Variants in PRKCI observed in about 807,000 individuals in gnomAD.
PRKCI encodes the protein protein kinase C iota type.
Under a neutral mutation model 84.0 loss-of-function variants are expected in PRKCI, and 43 were observed. The ratio of observed to expected loss-of-function variants is 0.51; its 90% CI spans 0.40 to 0.66. The LOEUF (loss-of-function observed/expected upper bound fraction) is 0.66, where lower values mean the gene tolerates loss of function less well. Among genes scored for constraint, PRKCI ranks in the 30% least tolerant of loss-of-function variants. The pLI, the probability that PRKCI is intolerant of heterozygous loss-of-function variation, is 0.00. For synonymous variants in PRKCI, 216 were observed against 234.4 expected, an observed-to-expected ratio of 0.92 and a Z score of 0.72; for missense variants, 459 against 745.6, an observed-to-expected ratio of 0.62 and a Z score of 4.48.
chr3:170,258,268 G>A (rs1419934473), intron 2 of PRKCI, among the ~76,000 whole-genome samples: 2 of 151,428 alleles, frequency 1.3e-5, no homozygotes, highest in Admixed American at 6.6e-5. Context: ...GCAGAGTGAA[G>A]GACTCACTTT....
At chr3:170,261,459 TAAA>T (rs1192417978) in intron 3 of PRKCI, among the ~76,000 whole-genome samples, 2 of 128,038 alleles carry the variant, frequency 1.6e-5, no homozygotes, top group African/African-American at 6.9e-5. Context: ...GTTTTTTTTT[TAAA>T]AAAAAAAAAA....
chr3:170,230,110 C>T (rs1732745871), intron 1 of PRKCI, among the ~76,000 whole-genome samples: 1 of 149,248 alleles, frequency 6.7e-6, no homozygotes, highest in Non-Finnish European at 1.5e-5. Flanking sequence ...GATTTACTGT[C>T]TTAGGTAAAA....
At chr3:170,295,832 A>T in intron 14 of PRKCI, 79 bp from the exon 15 acceptor site, 1 of 829,730 alleles carries the variant, frequency 1.2e-6, no homozygotes, top group Non-Finnish European at 1.8e-6. Context: ...GCAACAGAAC[A>T]AGCCCCTTTC....
intron 2 of PRKCI, among the ~76,000 whole-genome samples, chr3:170,236,289 C>T (rs183664923): frequency 4.1e-4 from 62 of 151,534 alleles, no homozygotes; most frequent in African/African-American, 1.4e-3. Flanking sequence ...GTAGTAGAGA[C>T]GGGGTTTTGC....
chr3:170,282,092 C>A, intron 11 of PRKCI, 124 bp downstream of exon 11: 1 of 975,336 alleles, frequency 1.0e-6, no homozygotes, highest in Non-Finnish European at 1.5e-6. Context: ...GTAAGTCATG[C>A]AGAGGCTGAG....
In PRKCI at chr3:170,303,199, A is replaced by G; in HGVS notation, c.*72A>G. On this transcript the variant is annotated 3_prime_UTR_variant, in exon 18 of 18. Coordinates refer to ENST00000295797, the MANE Select transcript of PRKCI (RefSeq NM_002740.6). The stretch of plus-strand genomic sequence containing the variant: ...ATGGATAAACTTGCTGCAAGCCTGG[A>G]TACAATTAACCATTTTATATTTGCC... 1 of 1,195,272 alleles carries G rather than the reference A, an allele frequency of 8.4e-7. No individual in the cohort carries two copies. Among genetic ancestry groups the G allele is most frequent in the Non-Finnish European group, 1.2e-6 (1 of 838,582 alleles). The allele number at this position is 1,195,272 out of a possible 1,614,324, so 74.0% of individuals were successfully genotyped here.
At chr3:170,281,433 T>C (rs1431959843) in intron 10 of PRKCI, 170 bp downstream of exon 10, 1 of 584,676 alleles carries the variant, frequency 1.7e-6, no homozygotes, top group Admixed American at 3.1e-5. Flanking sequence ...CAGTTTGATA[T>C]TAGATCAGCA....
intron 2 of PRKCI, among the ~76,000 whole-genome samples, chr3:170,236,607 A>G (rs1732982212): frequency 6.6e-6 from 1 of 152,170 alleles, no homozygotes; most frequent in Admixed American, 6.5e-5. Context: ...TTACGCCTGT[A>G]ATCCCAGCAC....
chr3:170,256,112 G>A (rs1420747475), intron 2 of PRKCI, among the ~76,000 whole-genome samples: 1 of 152,122 alleles, frequency 6.6e-6, no homozygotes, highest in East Asian at 1.9e-4. Context: ...TTGCATCAAT[G>A]TTCATCAGAG....
rs1440812344 is a variant in PRKCI, at chr3:170,303,253, C to T, written c.*126C>T. Reference sequence around the variant, plus strand: ...TACAAAAAAACACCCAATATCTTCTCTTGTAGACTATATGAATCAATTATT... The same window carrying T: ...TACAAAAAAACACCCAATATCTTCTTTTGTAGACTATATGAATCAATTATT... On this transcript the variant is annotated 3_prime_UTR_variant, in exon 18 of 18. Coordinates refer to ENST00000295797, the MANE Select transcript of PRKCI (RefSeq NM_002740.6). 5 of 564,258 alleles carry T rather than the reference C, an allele frequency of 8.9e-6. No individual in the cohort carries two copies. The highest frequency in any genetic ancestry group is 5.8e-5 in the African/African-American group (3 of 51,432). 35.0% of individuals were successfully genotyped at this position (564,258 alleles called of 1,614,324 possible). A position where few individuals can be genotyped will look rare whatever the true frequency, so the allele number is the denominator to read the frequency against.
intron 11 of PRKCI, 39 bp downstream of exon 11, chr3:170,282,007 G>C (rs760780850): frequency 1.3e-5 from 21 of 1,595,436 alleles, no homozygotes; most frequent in Non-Finnish European, 1.7e-5. Flanking sequence ...TTTCTTTTTG[G>C]GGCCATGTGG....
intron 4 of PRKCI, among the ~76,000 whole-genome samples, chr3:170,266,636 A>C (rs189386554): frequency 9.4e-4 from 143 of 152,304 alleles, no homozygotes; most frequent in Non-Finnish European, 1.7e-3. Context: ...AGACCAAAAA[A>C]AGCATGATCA....
chr3:170,248,389 T>A (rs1208745663), intron 2 of PRKCI, among the ~76,000 whole-genome samples: 1 of 151,464 alleles, frequency 6.6e-6, no homozygotes, highest in Non-Finnish European at 1.5e-5. Context: ...GGAAAAAACC[T>A]GCTGGTTAAT....
At chr3:170,250,836 C>G (rs1733426055) in intron 2 of PRKCI, among the ~76,000 whole-genome samples, 2 of 152,250 alleles carry the variant, frequency 1.3e-5, no homozygotes, top group African/African-American at 4.8e-5. Context: ...TCCAATTTCT[C>G]TATATACACT....
At chr3:170,268,097 A>G in intron 5 of PRKCI, 97 bp downstream of exon 5, 1 of 927,812 alleles carries the variant, frequency 1.1e-6, no homozygotes. Context: ...CTTGTTATAC[A>G]CTTTTAAATA....
chr3:170,281,828 G>T, intron 10 of PRKCI, 54 bp from the exon 11 acceptor site: 1 of 1,527,780 alleles, frequency 6.5e-7, no homozygotes, highest in South Asian at 1.3e-5. Context: ...AAAATGCAAA[G>T]TTACACTACC....
intron 2 of PRKCI, among the ~76,000 whole-genome samples, chr3:170,248,842 C>A (rs1215348525): frequency 6.8e-6 from 1 of 147,744 alleles, no homozygotes; most frequent in East Asian, 2.0e-4. Context: ...TGGCTTTTTT[C>A]TTTTTCTTTT....
In PRKCI at chr3:170,230,963, G is replaced by T. The variant is rs201535233; in HGVS notation, c.102-4267G>T. Among the ~76,000 whole-genome samples the T allele has an allele frequency of 7.4e-3, 941 of 127,526 alleles. 3 individuals are homozygous for T. The highest frequency in any genetic ancestry group is 0.012 in the Middle Eastern group (3 of 244). 83.7% of individuals were successfully genotyped at this position (127,526 alleles called of 152,430 possible). ...ATTCATTATTTAATTTTTTTTTTTT[G>T]TTTTTTTTTTTTTTGAGATGGAGCC... On this transcript the variant is annotated intron_variant, in intron 1 of 17. Coordinates refer to ENST00000295797, the MANE Select transcript of PRKCI (RefSeq NM_002740.6).
At chr3:170,298,301 C>T (rs980694776) in intron 16 of PRKCI, among the ~76,000 whole-genome samples, 3 of 151,956 alleles carry the variant, frequency 2.0e-5, no homozygotes, top group East Asian at 1.9e-4. Flanking sequence ...GTGTAGCTCA[C>T]GACAGCCTTG....
Sources: gnomAD v4.1 joint callset for allele counts (sites outside exome capture counted in the v4.1 genomes callset) on GRCh38, gnomAD v4.1.1 for gene constraint, MANE v1.5 for transcripts, NCBI Gene and HGNC (gene_info 2026-07-23, HGNC 2026-07-21) for gene names.